The following RAPGEF6 variants were observed in gnomAD, a reference collection of about 807,000 sequenced individuals.
The protein encoded by RAPGEF6 is Rap guanine nucleotide exchange factor 6.
Under a neutral mutation model 171.4 loss-of-function variants are expected in RAPGEF6, and 56 were observed. That is an observed-to-expected ratio of 0.33 (90% CI 0.26 to 0.41). RAPGEF6 has a LOEUF of 0.41. RAPGEF6 is among the 10% of genes least tolerant of loss of function. The probability of loss-of-function intolerance (pLI) is 1.00; values close to 1 mark genes in which losing one functional copy is unlikely to be tolerated. For synonymous variants in RAPGEF6, 692 were observed against 650.1 expected (o/e 1.06, Z -0.98); for missense variants, 1,674 against 1,921.4 (o/e 0.87, Z 2.41).
At chr5:131,546,610 A>T (rs1030693090) in intron 6 of RAPGEF6, among the ~76,000 whole-genome samples, 4 of 152,164 alleles carry the variant, frequency 2.6e-5, no homozygotes, top group East Asian at 1.9e-4. Context: ...TCTCAAAAAA[A>T]AAAAATAAAT....
chr5:131,588,746 A>AAACAAC (rs368837789), intron 4 of RAPGEF6, among the ~76,000 whole-genome samples: 8 of 151,828 alleles, frequency 5.3e-5, no homozygotes, highest in Admixed American at 1.3e-4. Flanking sequence ...CCGTCTTAAA[A>AAACAAC]AACAACAACA....
At chr5:131,547,855 G>C (rs1181577506) in intron 6 of RAPGEF6, among the ~76,000 whole-genome samples, 192 bp downstream of exon 6, 1 of 151,842 alleles carries the variant, frequency 6.6e-6, no homozygotes, top group African/African-American at 2.4e-5. Context: ...AGCAAAACCA[G>C]AACTCCCACT....
intron 4 of RAPGEF6, among the ~76,000 whole-genome samples, chr5:131,576,547 C>T (rs959190975): frequency 1.3e-5 from 2 of 152,142 alleles, no homozygotes; most frequent in Admixed American, 6.5e-5. Flanking sequence ...CCAAGGAAGC[C>T]GGAGTCATTC....
rs1757547269 is a variant in RAPGEF6, at chr5:131,509,117, CAAT to C, written c.806-913_806-911del. ...GAAAAAAATCTTAATTAAATCCTAA[CAAT>C]ATATGTTTGACACTAAGTGATCTTT... is the stretch of plus-strand genomic sequence containing the variant. On this transcript the variant is annotated intron_variant, in intron 8 of 27. Coordinates refer to ENST00000509018, the MANE Select transcript of RAPGEF6 (RefSeq NM_016340.6). 2.0e-5 allele frequency among the ~76,000 whole-genome samples: 3 copies of C among 152,230 alleles called. No homozygotes were observed. In the South Asian group the frequency reaches 6.2e-4, roughly 32 times the overall value.
chr5:131,536,304 T>C (rs967592816), intron 6 of RAPGEF6, among the ~76,000 whole-genome samples: 5 of 152,208 alleles, frequency 3.3e-5, no homozygotes, highest in Admixed American at 2.0e-4. Flanking sequence ...TCCACCCGTT[T>C]TCCCCCATGT....
At chr5:131,621,743 T>C (rs1026723176) in intron 1 of RAPGEF6, among the ~76,000 whole-genome samples, 1 of 152,288 alleles carries the variant, frequency 6.6e-6, no homozygotes, top group Admixed American at 6.5e-5. Flanking sequence ...ATCATGGGCC[T>C]AACTTATTTT....
chr5:131,520,147 G>T (rs762780207), intron 7 of RAPGEF6, among the ~76,000 whole-genome samples: 1 of 152,182 alleles, frequency 6.6e-6, no homozygotes, highest in Non-Finnish European at 1.5e-5. Flanking sequence ...CTGAATAGAA[G>T]AAGGCTATTT....
At chr5:131,499,251 CAG>C (rs1482929638) in intron 11 of RAPGEF6, among the ~76,000 whole-genome samples, 2 of 152,142 alleles carry the variant, frequency 1.3e-5, no homozygotes, top group Admixed American at 6.5e-5. Context: ...GAAATTAATT[CAG>C]AGTTTTAAAT....
intron 18 of RAPGEF6, among the ~76,000 whole-genome samples, chr5:131,463,106 T>C (rs556632068): frequency 3.3e-5 from 5 of 152,290 alleles, no homozygotes; most frequent in East Asian, 1.9e-4. Flanking sequence ...CAAGGTCACA[T>C]AGCCAGAGCT....
At chr5:131,446,734 C>A (rs1448087708) in intron 21 of RAPGEF6, 31 bp from the exon 22 acceptor site, 1 of 1,571,380 alleles carries the variant, frequency 6.4e-7, no homozygotes, top group Non-Finnish European at 8.7e-7. Flanking sequence ...CAATAAGGGG[C>A]TATAGAGATG....
intron 21 of RAPGEF6, 99 bp downstream of exon 21, chr5:131,452,955 C>T: frequency 7.0e-7 from 1 of 1,438,464 alleles, no homozygotes; most frequent in Non-Finnish European, 9.3e-7. Flanking sequence ...TTGTACAGCA[C>T]ACATGGTAGA....
intron 6 of RAPGEF6, among the ~76,000 whole-genome samples, chr5:131,540,936 G>A (rs924224984): frequency 6.6e-6 from 1 of 152,098 alleles, no homozygotes. Flanking sequence ...GGCCAAGATC[G>A]CACCATTGCA....
rs115297710 is a variant in RAPGEF6, at chr5:131,599,439, G to A, written c.197+3832C>T. 4.7e-3 allele frequency among the ~76,000 whole-genome samples: 713 copies of A among 152,052 alleles called. 5 individuals are homozygous for A. Among genetic ancestry groups the A allele is most frequent in the African/African-American group, 0.016 (644 of 41,440 alleles). ...AGGCATGAGCAAAATAAACAAATGA[G>A]CAAAATAAACAATAAACAAATGAGC... On this transcript the variant is annotated intron_variant, in intron 3 of 27. Coordinates refer to ENST00000509018, the MANE Select transcript of RAPGEF6 (RefSeq NM_016340.6).
At chr5:131,529,680 G>A (rs559995796) in intron 6 of RAPGEF6, among the ~76,000 whole-genome samples, 7 of 152,144 alleles carry the variant, frequency 4.6e-5, no homozygotes, top group African/African-American at 1.7e-4. Flanking sequence ...GGAGGCCAAG[G>A]CATGAGGACT....
Position 131,426,824 on chromosome 5 carries a change from TAA to T in RAPGEF6, c.*440_*441del. ...AACAAAACCACAACAATTCAAATAATAAGTTATTTTTCAAATATACAAGAATA... is the reference window on the plus strand; with the variant it reads ...AACAAAACCACAACAATTCAAATAATGTTATTTTTCAAATATACAAGAATA... On this transcript the variant is annotated 3_prime_UTR_variant, in exon 28 of 28. Coordinates refer to ENST00000509018, the MANE Select transcript of RAPGEF6 (RefSeq NM_016340.6). 5.5e-6 allele frequency: 1 copy of T among 180,626 alleles called. No homozygotes were observed. Among genetic ancestry groups the T allele is most frequent in the Non-Finnish European group, 1.1e-5 (1 of 87,192 alleles). The allele number at this position is 180,626 out of a possible 1,614,324, so 11.2% of individuals were successfully genotyped here. A position where few individuals can be genotyped will look rare whatever the true frequency, so the allele number is the denominator to read the frequency against.
intron 4 of RAPGEF6, among the ~76,000 whole-genome samples, chr5:131,572,590 C>G (rs1026261631): frequency 1.3e-5 from 2 of 152,114 alleles, no homozygotes; most frequent in African/African-American, 4.8e-5. Context: ...TTTGGCTGAT[C>G]ATGCCTGCTT....
chr5:131,464,387 C>T, intron 17 of RAPGEF6, 106 bp from the exon 18 acceptor site: 1 of 794,534 alleles, frequency 1.3e-6, no homozygotes, highest in Non-Finnish European at 2.1e-6. Context: ...CTGAAATATA[C>T]ATTTCTATTT....
chr5:131,439,710 T>G lies in RAPGEF6; in HGVS notation c.3616A>C (p.Ser1206Arg). 6.2e-7 allele frequency: 1 copy of G among 1,609,896 alleles called. No individual in the cohort carries two copies. Among genetic ancestry groups the G allele is most frequent in the Non-Finnish European group, 8.5e-7 (1 of 1,178,990 alleles). Residue 1206 changes from serine (S) to arginine (R), a missense_variant, in exon 24 of 28, where the codon AGT becomes CGT. This residue lies in a region of RAPGEF6 where 552 missense variants were observed against 574.2 expected (regional missense o/e 0.96). Coordinates refer to ENST00000509018, the MANE Select transcript of RAPGEF6 (RefSeq NM_016340.6). ...GQTKDPALNTSLPQKVLGTTE... is the reference protein window; with the variant it reads ...GQTKDPALNTRLPQKVLGTTE... ...GTTCCTAAAACTTTCTGAGGTAAACTTGTATCTAAAAATAAAACCAAAGAT... is the reference window on the plus strand; with the variant it reads ...GTTCCTAAAACTTTCTGAGGTAAACGTGTATCTAAAAATAAAACCAAAGAT...
Position 131,492,793 on chromosome 5 carries a change from G to A in RAPGEF6, c.1528-8C>T. 1 of 1,603,532 alleles carries A rather than the reference G, an allele frequency of 6.2e-7. No individual in the cohort carries two copies. Among genetic ancestry groups the A allele is most frequent in the Non-Finnish European group, 8.5e-7 (1 of 1,170,442 alleles). On this transcript the variant is annotated splice_polypyrimidine_tract_variant and splice_region_variant and intron_variant, in intron 13 of 27. Coordinates refer to ENST00000509018, the MANE Select transcript of RAPGEF6 (RefSeq NM_016340.6). ...GAGATGACCATTCATCTTCTGTTAA[G>A]CAGAAAAGGATAAATGTATATAAAT... is the stretch of plus-strand genomic sequence containing the variant.
Sources: allele counts gnomAD v4.1 joint callset (sites outside exome capture counted in the v4.1 genomes callset), GRCh38; gene constraint gnomAD v4.1.1; regional missense constraint gnomAD v4.1.1; transcripts MANE v1.5; gene names NCBI Gene and HGNC (gene_info 2026-07-23, HGNC 2026-07-21).